Variants in SIGLEC9 observed in about 807,000 individuals in gnomAD.
SIGLEC9 encodes the protein sialic acid binding Ig like lectin 9, also known as sialic acid-binding Ig-like lectin 9.
SIGLEC9 carries 26 observed loss-of-function variants against 38.3 expected under a neutral mutation model. The observed-to-expected ratio is 0.68, with a 90% CI of 0.50 to 0.94. SIGLEC9 has a LOEUF of 0.94. Among genes scored for constraint, SIGLEC9 ranks in the 40% least tolerant of loss-of-function variants. The probability of loss-of-function intolerance (pLI) is 0.00; values close to 1 mark genes in which losing one functional copy is unlikely to be tolerated. For synonymous variants in SIGLEC9, 236 were observed against 248.0 expected (o/e 0.95, Z 0.45); for missense variants, 556 against 585.7 (o/e 0.95, Z 0.52).
rs545596883 is a variant in SIGLEC9, at chr19:51,135,476, G to A, written c.1204-486G>A. ...GCCTGATGGGGTTCCCTTTGTACAT[G>A]ACCTGCCTCTTCCTTTTAGCTGCAT... On this transcript the variant is annotated intron_variant, in intron 6 of 6. Transcript: ENST00000440804. Among the ~76,000 whole-genome samples the A allele has an allele frequency of 9.9e-5, 15 of 152,244 alleles. No homozygotes were observed. In the South Asian group the frequency reaches 2.9e-3, roughly 30 times the overall value.
At chr19:51,135,842 T>C (rs2092038600) in intron 6 of SIGLEC9, 1 of 586,470 alleles carries the variant, frequency 1.7e-6, no homozygotes, top group Non-Finnish European at 3.0e-6. Flanking sequence ...TCTGAGATTC[T>C]TTTCTCAGCT....
chr19:51,125,428 A>G, intron 1 of SIGLEC9, 33 bp downstream of exon 1: 2 of 1,562,940 alleles, frequency 1.3e-6, no homozygotes. Flanking sequence ...GGCCACAGGG[A>G]AAGGTCATGG....
Position 51,129,401 on chromosome 19 carries a change from T to C in SIGLEC9, c.1204-490T>C, listed in dbSNP as rs566063036. Among the ~76,000 whole-genome samples, 439 of 152,174 alleles carry C rather than the reference T, an allele frequency of 2.9e-3. 16 individuals are homozygous for C. In the South Asian group the frequency reaches 0.059, roughly 20 times the overall value. The stretch of plus-strand genomic sequence containing the variant: ...GTCTCAGTCTCCTGACCTTGTGATC[T>C]GCCCACCTTGGCTTCCCGAAGTGCT... On this transcript the variant is annotated intron_variant, in intron 6 of 6. Coordinates refer to ENST00000250360, the MANE Select transcript of SIGLEC9 (RefSeq NM_014441.3).
intron 6 of SIGLEC9, chr19:51,135,943 T>C (rs2092039006): frequency 2.8e-6 from 2 of 701,948 alleles, no homozygotes; most frequent in African/African-American, 1.8e-5. Flanking sequence ...TCTCTTAAAA[T>C]GATTATTTTA....
At chr19:51,132,541 C>G (rs1327975080), downstream of SIGLEC9, among the ~76,000 whole-genome samples, 1 of 152,122 alleles carries the variant, frequency 6.6e-6, no homozygotes, top group East Asian at 1.9e-4. Context: ...GTCTCATGAC[C>G]CGACCGCAAA....
At position 51,125,155 on chromosome 19, in the gene SIGLEC9, T is replaced by C. The variant is rs778096923; in HGVS notation, c.181T>C (p.Trp61Arg). The C allele has an allele frequency of 7.4e-6, 12 of 1,614,040 alleles. No homozygotes were observed. In the Admixed American group the frequency reaches 2.0e-4, roughly 27 times the overall value. ...IYPGPVVHGY[W>R]FREGANTDQD... ...CCCTGGCCCAGTAGTTCATGGCTAC[T>C]GGTTCCGGGAAGGGGCCAATACAGA... Residue 61 changes from tryptophan (W) to arginine (R), a missense_variant, in exon 1 of 7, where the codon TGG (tryptophan) becomes CGG (arginine). Trp to Arg is a moderately radical substitution (Grantham distance 101, BLOSUM62 -3). Transcript: ENST00000250360.
At chr19:51,128,604 A>G in intron 6 of SIGLEC9, 94 bp downstream of exon 6, 2 of 1,067,680 alleles carry the variant, frequency 1.9e-6, no homozygotes. Flanking sequence ...AGCCAAAGTT[A>G]CCTCCTCTCT....
At position 51,128,270 on chromosome 19, in the gene SIGLEC9, C is replaced by T. The variant is rs113830653; in HGVS notation, c.1107-144C>T. 2.0e-3 allele frequency: 2,030 copies of T among 1,023,432 alleles called. 33 individuals are homozygous for T. The African/African-American group carries it at 0.03, about 15-fold the overall frequency. The allele number at this position is 1,023,432 out of a possible 1,614,324, so 63.4% of individuals were successfully genotyped here. Reference sequence around the variant, plus strand: ...AGGAGAAGAGAGCCTCTGTTCTCAACCTTGGGGTCTCTAAGACTGGACCAC... The same window carrying T: ...AGGAGAAGAGAGCCTCTGTTCTCAATCTTGGGGTCTCTAAGACTGGACCAC... On this transcript the variant is annotated intron_variant, in intron 5 of 6. Transcript: ENST00000250360.
In SIGLEC9 at chr19:51,130,087, C is replaced by A; in HGVS notation, c.*8C>A. The A allele has an allele frequency of 6.2e-7, 1 of 1,604,152 alleles. No individual in the cohort carries two copies. The highest frequency in any genetic ancestry group is 8.5e-7 in the Non-Finnish European group (1 of 1,174,434). On this transcript the variant is annotated 3_prime_UTR_variant, in exon 7 of 7. Coordinates refer to ENST00000250360, the MANE Select transcript of SIGLEC9 (RefSeq NM_014441.3). Reference sequence around the variant, plus strand: ...ATCAAGATCCACAGATGAGAAACTGCAGAGACTCACCCTGATTGAGGGATC... The same window carrying A: ...ATCAAGATCCACAGATGAGAAACTGAAGAGACTCACCCTGATTGAGGGATC...
downstream of SIGLEC9, among the ~76,000 whole-genome samples, chr19:51,133,723 G>T (rs2092028833): frequency 6.6e-6 from 1 of 152,150 alleles, no homozygotes; most frequent in African/African-American, 2.4e-5. Flanking sequence ...TAAAAGCGGA[G>T]ACTATAATGT....
chr19:51,129,838 C>T (rs1193300553), intron 6 of SIGLEC9, 53 bp from the exon 7 acceptor site: 32 of 1,338,008 alleles, frequency 2.4e-5, no homozygotes, highest in Middle Eastern at 2.0e-4. Flanking sequence ...TGTGAGCCAC[C>T]GCGCCCCATC....
At position 51,127,071 on chromosome 19, in the gene SIGLEC9, G is replaced by C. The variant is rs768576395; in HGVS notation, c.790G>C (p.Glu264Gln). The change falls in exon 4 of 7, where the codon GAG (glutamate) becomes CAG (glutamine). Residue 264 changes from glutamate (E) to glutamine (Q), a missense_variant. By Grantham distance (29) the Glu-to-Gln change is conservative. Coordinates refer to ENST00000250360, the MANE Select transcript of SIGLEC9 (RefSeq NM_014441.3). ...LGNGSSLSLP[E>Q]GQSLRLVCAV... ...AAATGGCTCATCTCTGTCACTCCCA[G>C]AGGGCCAGTCTCTGCGCCTGGTCTG... 2 of 1,614,178 alleles carry C rather than the reference G, an allele frequency of 1.2e-6. No homozygotes were observed. The highest frequency in any genetic ancestry group is 1.7e-6 in the Non-Finnish European group (2 of 1,180,012).
At chr19:51,126,153 G>T in intron 3 of SIGLEC9, 25 bp downstream of exon 3, 1 of 1,607,316 alleles carries the variant, frequency 6.2e-7, no homozygotes, top group Non-Finnish European at 8.5e-7. Flanking sequence ...CCTCCCTGGG[G>T]CTGGAGGAGC....
intron 5 of SIGLEC9, 122 bp from the exon 6 acceptor site, chr19:51,128,292 C>G (rs1317750530): frequency 6.7e-6 from 8 of 1,189,758 alleles, no homozygotes; most frequent in Non-Finnish European, 9.8e-6. Context: ...TAAGACTGGA[C>G]CACTGCTTTC....
At chr19:51,128,740 T>G in intron 6 of SIGLEC9, 1 of 474,528 alleles carries the variant, frequency 2.1e-6, no homozygotes, top group Non-Finnish European at 3.8e-6. Flanking sequence ...GATCTCTGTC[T>G]TTTGTTCCCT....
rs567756875 is a variant in SIGLEC9 at position 51,125,734 on chromosome 19, C to A, written c.559C>A (p.Pro187Thr). 7 of 1,614,054 alleles carry A rather than the reference C, an allele frequency of 4.3e-6. No individual in the cohort carries two copies. In the Admixed American group the frequency reaches 8.3e-5, roughly 19 times the overall value. The stretch of plus-strand genomic sequence containing the variant: ...CTCCTGGATAGGGACCTCCGTGTCC[C>A]CCCTGGACCCCTCCACCACCCGCTC... ...MISWIGTSVS[P>T]LDPSTTRSSV... is the part of the protein sequence containing the mutation. The change falls in exon 2 of 7, where the codon CCC becomes ACC. Residue 187 changes from proline to threonine, a missense_variant. By Grantham distance (38) the Pro-to-Thr change is conservative. Coordinates refer to ENST00000250360, the MANE Select transcript of SIGLEC9 (RefSeq NM_014441.3).
At chr19:51,128,297 G>C (rs562523058) in intron 5 of SIGLEC9, 117 bp from the exon 6 acceptor site, 1 of 1,256,688 alleles carries the variant, frequency 8.0e-7, no homozygotes, top group Non-Finnish European at 1.1e-6. Context: ...CTGGACCACT[G>C]CTTTCCCACC....
chr19:51,124,947 C>T lies in SIGLEC9; in HGVS notation c.-28C>T, dbSNP rs767209954. The T allele has an allele frequency of 1.1e-5, 18 of 1,577,082 alleles. No homozygotes were observed. The highest frequency in any genetic ancestry group is 1.7e-4 in the Middle Eastern group (1 of 5,868). On this transcript the variant is annotated 5_prime_UTR_variant, in exon 1 of 7. Transcript: ENST00000250360. ...GAACCCTGAGGAACAGACGTTCCCT[C>T]GCGGCCCTGGCACCTCTAACCCCAG...
chr19:51,132,933 C>T (rs143999389), downstream of SIGLEC9, among the ~76,000 whole-genome samples: 53 of 151,570 alleles, frequency 3.5e-4, no homozygotes, highest in African/African-American at 1.0e-3. Context: ...TTAGGTAATC[C>T]CTGTCAAAAT....
Sources: allele counts gnomAD v4.1 joint callset (sites outside exome capture counted in the v4.1 genomes callset), GRCh38; gene constraint gnomAD v4.1.1; transcripts MANE v1.5; gene names NCBI Gene and HGNC (gene_info 2026-07-23, HGNC 2026-07-21).